Variants in LEKR1 observed in about 807,000 individuals in gnomAD.
LEKR1 encodes protein LEKR1.
In LEKR1, 59 loss-of-function variants were observed where a neutral mutation model predicts 72.4. That is an observed-to-expected ratio of 0.82 (90% confidence interval 0.66 to 1.01). LEKR1 has a LOEUF of 1.01. Among genes scored for constraint, LEKR1 ranks in the 50% least tolerant of loss-of-function variants. The pLI is 0.00. For missense variants in LEKR1, 728 were observed against 759.2 expected, an observed-to-expected ratio of 0.96 and a Z score of 0.48; for synonymous variants, 257 against 263.2, an observed-to-expected ratio of 0.98 and a Z score of 0.23.
chr3:157,000,725 C>T (rs921281053), intron 9 of LEKR1, among the ~76,000 whole-genome samples: 1 of 152,182 alleles, frequency 6.6e-6, no homozygotes. Context: ...TTATTATCTG[C>T]TTTACTCATA....
chr3:157,043,487 G>GGT (rs1735520108), intron 12 of LEKR1, among the ~76,000 whole-genome samples: 1 of 151,502 alleles, frequency 6.6e-6, no homozygotes, highest in Admixed American at 6.6e-5. Flanking sequence ...GGAACAAAAT[G>GGT]GTCCCTGCAT....
chr3:157,039,139 A>C (rs773399230), intron 12 of LEKR1, among the ~76,000 whole-genome samples: 1 of 152,220 alleles, frequency 6.6e-6, no homozygotes, highest in Non-Finnish European at 1.5e-5. Context: ...GGAAAAAATC[A>C]AGGATTTGCC....
At position 156,908,741 on chromosome 3, in the gene LEKR1, T is replaced by G. The variant is rs530083172; in HGVS notation, c.264-11834T>G. Among the ~76,000 whole-genome samples, 16 of 151,894 alleles carry G rather than the reference T, an allele frequency of 1.1e-4. No individual in the cohort carries two copies. The South Asian group carries it at 1.2e-3, about 12-fold the overall frequency. On this transcript the variant is annotated intron_variant, in intron 3 of 12. Coordinates refer to ENST00000356539, the MANE Select transcript of LEKR1 (RefSeq NM_001004316.3). ...TATTTAGAAACCAGCATCTGGGGAT[T>G]GGGTATGTTCATTGTTACTTTGCTT...
chr3:156,964,004 G>A (rs1379311747), intron 6 of LEKR1, among the ~76,000 whole-genome samples: 1 of 152,176 alleles, frequency 6.6e-6, no homozygotes, highest in African/African-American at 2.4e-5. Flanking sequence ...GTGGATACCT[G>A]ATGATGGCTT....
intron 4 of LEKR1, among the ~76,000 whole-genome samples, chr3:156,925,681 G>A (rs1381359029): frequency 6.6e-6 from 1 of 151,986 alleles, no homozygotes; most frequent in African/African-American, 2.4e-5. Flanking sequence ...AAAGCGAGAT[G>A]AATGGGTTGT....
At position 157,045,599 on chromosome 3, in the gene LEKR1, C is replaced by G; in HGVS notation, c.1928C>G (p.Thr643Ser). ...AACCTGCGCGGGGTGTCAAAACCCA[C>G]CACTTTCCCAACCTCAGATAAGCCG... is the stretch of plus-strand genomic sequence containing the variant. ...IPNLRGVSKP[T>S]TFPTSDKPKR... Residue 643 changes from threonine to serine, a missense_variant, in exon 13 of 13, where the codon ACC (threonine) becomes AGC (serine). Physicochemically the swap from Thr to Ser is moderately conservative, Grantham distance 58. Coordinates refer to ENST00000356539, the MANE Select transcript of LEKR1 (RefSeq NM_001004316.3). 1 of 1,614,180 alleles carries G rather than the reference C, an allele frequency of 6.2e-7. No homozygotes were observed. The highest frequency in any genetic ancestry group is 1.3e-5 in the African/African-American group (1 of 75,040).
At chr3:157,044,435 G>C (rs533159899) in intron 12 of LEKR1, among the ~76,000 whole-genome samples, 3 of 152,190 alleles carry the variant, frequency 2.0e-5, no homozygotes, top group Non-Finnish European at 2.9e-5. Context: ...ATTTCGAAGA[G>C]ACTTAATTAT....
intron 12 of LEKR1, among the ~76,000 whole-genome samples, chr3:157,044,598 A>T (rs1471070173): frequency 6.6e-6 from 1 of 152,216 alleles, no homozygotes; most frequent in Non-Finnish European, 1.5e-5. Flanking sequence ...AGATTCTATT[A>T]TGGACATAAA....
chr3:156,978,199 T>G (rs1005787756), intron 6 of LEKR1, among the ~76,000 whole-genome samples: 1 of 151,942 alleles, frequency 6.6e-6, no homozygotes, highest in African/African-American at 2.4e-5. Context: ...AATTAAAACA[T>G]TTGTTTAGAG....
At chr3:156,871,633 T>C (rs1272063646) in intron 3 of LEKR1, among the ~76,000 whole-genome samples, 6 of 152,216 alleles carry the variant, frequency 3.9e-5, no homozygotes, top group Non-Finnish European at 7.3e-5. Context: ...TTCCTGACTT[T>C]TTAATGATTG....
chr3:156,916,360 T>C (rs1723650493), intron 3 of LEKR1, among the ~76,000 whole-genome samples: 1 of 152,200 alleles, frequency 6.6e-6, no homozygotes, highest in Non-Finnish European at 1.5e-5. Flanking sequence ...GGTATGGACA[T>C]TTTAATGATA....
Position 156,992,680 on chromosome 3 carries a change from T to C in LEKR1, c.855T>C (p.Cys285=). 1 of 1,014,976 alleles carries C rather than the reference T, an allele frequency of 9.9e-7. No individual in the cohort carries two copies. The allele number at this position is 1,014,976 out of a possible 1,614,324, so 62.9% of individuals were successfully genotyped here. A position where few individuals can be genotyped will look rare whatever the true frequency, so the allele number is the denominator to read the frequency against. ...LMNKSNEADD[C]QRELKKLKFE... ...ATAAATCTAATGAAGCTGATGACTGTCAAAGAGAACTTAAAAAACTGAAGT... is the reference window on the plus strand; with the variant it reads ...ATAAATCTAATGAAGCTGATGACTGCCAAAGAGAACTTAAAAAACTGAAGT... The change falls in exon 8 of 13, where the codon TGT becomes TGC. Residue 285 remains cysteine, a synonymous_variant. Transcript: ENST00000356539.
intron 3 of LEKR1, among the ~76,000 whole-genome samples, chr3:156,861,768 G>T (rs1302211459): frequency 6.6e-6 from 1 of 151,936 alleles, no homozygotes; most frequent in Non-Finnish European, 1.5e-5. Flanking sequence ...TTATTACATT[G>T]ATGTTTGTGC....
chr3:156,891,311 A>C (rs1206948342), intron 3 of LEKR1, among the ~76,000 whole-genome samples: 1 of 152,182 alleles, frequency 6.6e-6, no homozygotes, highest in Non-Finnish European at 1.5e-5. Flanking sequence ...GGTAAGAAAA[A>C]AGCATGTGCA....
chr3:157,033,564 A>T (rs558690895), intron 12 of LEKR1, among the ~76,000 whole-genome samples: 2 of 152,198 alleles, frequency 1.3e-5, no homozygotes, highest in African/African-American at 4.8e-5. Context: ...CAGAAGAAAA[A>T]TTGGAAGCTA....
Position 156,850,267 on chromosome 3 carries a change from T to C in LEKR1, c.49-2501T>C, listed in dbSNP as rs947950029. ...TATATATTTTTATATATTTTATATA[T>C]TTGTATATATTTACATTTACATCTG... is the stretch of plus-strand genomic sequence containing the variant. On this transcript the variant is annotated intron_variant, in intron 2 of 12. Transcript: ENST00000356539. Among the ~76,000 whole-genome samples, 3 of 151,552 alleles carry C rather than the reference T, an allele frequency of 2.0e-5. 1 individual carries two copies.
intron 6 of LEKR1, among the ~76,000 whole-genome samples, chr3:156,966,293 G>T (rs1041043893): frequency 6.6e-6 from 1 of 152,038 alleles, no homozygotes; most frequent in Admixed American, 6.6e-5. Flanking sequence ...AGGACAGTGG[G>T]TGCAGCACAC....
chr3:156,875,992 C>CAA (rs55816001), intron 3 of LEKR1, among the ~76,000 whole-genome samples: 2,275 of 70,160 alleles, frequency 0.032, 84 homozygotes, highest in Non-Finnish European at 0.05. Context: ...GACTCCATCT[C>CAA]AAAAAAAAAA....
rs1177018268 is a variant in LEKR1, at chr3:156,937,196, A to G, written c.560-5333A>G. Among the ~76,000 whole-genome samples, 9 of 152,216 alleles carry G rather than the reference A, an allele frequency of 5.9e-5. No individual in the cohort carries two copies. In the East Asian group the frequency reaches 1.5e-3, roughly 26 times the overall value. ...AAGAACAACAACAACAACAACAACAACAACTTCTGCTCTGTGAAAGACCTG... is the reference window on the plus strand; with the variant it reads ...AAGAACAACAACAACAACAACAACAGCAACTTCTGCTCTGTGAAAGACCTG... On this transcript the variant is annotated intron_variant, in intron 5 of 12. Transcript: ENST00000356539.
Sources: allele counts gnomAD v4.1 joint callset (sites outside exome capture counted in the v4.1 genomes callset), GRCh38; gene constraint gnomAD v4.1.1; transcripts MANE v1.5; gene names NCBI Gene and HGNC (gene_info 2026-07-23, HGNC 2026-07-21).